The following LPAR3 variants were observed in gnomAD, a reference collection of about 807,000 sequenced individuals.
LPAR3 encodes LPA receptor 3.
Under a neutral mutation model 17.8 loss-of-function variants are expected in LPAR3, and 7 were observed. The observed-to-expected ratio is 0.39, with a 90% CI of 0.22 to 0.74. LPAR3 has a LOEUF of 0.74. Ranked by LOEUF, LPAR3 falls within the 30% of genes least tolerant of loss-of-function variation. The pLI, the probability that LPAR3 is intolerant of heterozygous loss-of-function variation, is 0.40. For missense variants in LPAR3, 391 were observed against 453.4 expected, an observed-to-expected ratio of 0.86 and a Z score of 1.25; for synonymous variants, 179 against 179.9, an observed-to-expected ratio of 0.99 and a Z score of 0.04.
At chr1:84,816,147 C>A (rs979036190) in intron 2 of LPAR3, among the ~76,000 whole-genome samples, 4 of 152,160 alleles carry the variant, frequency 2.6e-5, no homozygotes, top group Admixed American at 2.6e-4. Flanking sequence ...CAGATTCAGA[C>A]TGGTTTTTTG....
chr1:84,817,518 G>A (rs1658961041), intron 2 of LPAR3, among the ~76,000 whole-genome samples: 1 of 152,160 alleles, frequency 6.6e-6, no homozygotes, highest in South Asian at 2.1e-4. Context: ...TCCAGGTGGA[G>A]GAGGCTTGGA....
chr1:84,835,664 A>C (rs1659388336), intron 2 of LPAR3, among the ~76,000 whole-genome samples: 1 of 152,188 alleles, frequency 6.6e-6, no homozygotes, highest in African/African-American at 2.4e-5. Context: ...CTACAAGTCC[A>C]ATATTACTAT....
At chr1:84,825,189 G>A (rs1045935388) in intron 2 of LPAR3, among the ~76,000 whole-genome samples, 3 of 152,204 alleles carry the variant, frequency 2.0e-5, no homozygotes, top group Admixed American at 2.0e-4. Context: ...AGGAACTGAG[G>A]AGAAAGACAA....
At chr1:84,862,096 C>T (rs748181390) in intron 2 of LPAR3, among the ~76,000 whole-genome samples, 7 of 152,164 alleles carry the variant, frequency 4.6e-5, no homozygotes, top group African/African-American at 1.7e-4. Flanking sequence ...TTTAAGCAGG[C>T]GGGTAATTTC....
chr1:84,815,284 C>T (rs986030375), intron 2 of LPAR3, among the ~76,000 whole-genome samples: 4 of 152,110 alleles, frequency 2.6e-5, no homozygotes, highest in East Asian at 1.9e-4. Flanking sequence ...TTGCTTTCGG[C>T]GAATGTCCTT....
Position 84,888,921 on chromosome 1 carries a change from G to A in LPAR3, c.-19+4095C>T, listed in dbSNP as rs188604886. On this transcript the variant is annotated intron_variant, in intron 1 of 2. Coordinates refer to ENST00000370611, the MANE Select transcript of LPAR3 (RefSeq NM_012152.3). ...TGATGAACATCCTCAGGAAGGGGTGGGGCAGGCTGTGCTGGGCAGGTTGCT... is the reference window on the plus strand; with the variant it reads ...TGATGAACATCCTCAGGAAGGGGTGAGGCAGGCTGTGCTGGGCAGGTTGCT... Among the ~76,000 whole-genome samples, 440 of 152,268 alleles carry A rather than the reference G, an allele frequency of 2.9e-3. 4 individuals are homozygous for A. In the Middle Eastern group the frequency reaches 0.037, roughly 13 times the overall value.
chr1:84,880,156 C>G (rs1660337173), intron 1 of LPAR3, among the ~76,000 whole-genome samples: 2 of 152,090 alleles, frequency 1.3e-5, no homozygotes, highest in East Asian at 1.9e-4. Context: ...ATGGAGAAAC[C>G]CCATCTCTAC....
intron 2 of LPAR3, among the ~76,000 whole-genome samples, chr1:84,857,606 G>A (rs185844561): frequency 6.6e-6 from 1 of 152,324 alleles, no homozygotes; most frequent in East Asian, 1.9e-4. Context: ...GATCAAGGGC[G>A]AGCTAAATGT....
chr1:84,851,719 A>G (rs1659718138), intron 2 of LPAR3, among the ~76,000 whole-genome samples: 1 of 152,206 alleles, frequency 6.6e-6, no homozygotes, highest in East Asian at 1.9e-4. Flanking sequence ...GTCACTGCAC[A>G]TGTGCAGGAC....
rs1660271194 is a variant in LPAR3 at position 84,876,918 on chromosome 1, C to A, written c.-18-10780G>T. Reference sequence around the variant, plus strand: ...TGTCCTCAATGTCCCCGCACAAATACCAAAACCCTAGTAAATTTCTCTGCA... The same window carrying A: ...TGTCCTCAATGTCCCCGCACAAATAACAAAACCCTAGTAAATTTCTCTGCA... On this transcript the variant is annotated intron_variant, in intron 1 of 2. Transcript: ENST00000370611. 2.0e-5 allele frequency among the ~76,000 whole-genome samples: 3 copies of A among 152,140 alleles called. No individual in the cohort carries two copies. The South Asian group carries it at 6.2e-4, about 32-fold the overall frequency.
chr1:84,881,084 AC>A (rs1660356719), intron 1 of LPAR3, among the ~76,000 whole-genome samples: 1 of 152,232 alleles, frequency 6.6e-6, no homozygotes, highest in African/African-American at 2.4e-5. Context: ...GTTTGTCAGA[AC>A]AAAGAACAGA....
intron 2 of LPAR3, among the ~76,000 whole-genome samples, chr1:84,863,856 C>T (rs1659987832): frequency 6.6e-6 from 1 of 152,144 alleles, no homozygotes; most frequent in South Asian, 2.1e-4. Context: ...TGACATTCCC[C>T]ACCTTCTCCT....
intron 2 of LPAR3, among the ~76,000 whole-genome samples, chr1:84,857,541 G>A (rs560454368): frequency 1.3e-5 from 2 of 152,208 alleles, no homozygotes; most frequent in Non-Finnish European, 2.9e-5. Flanking sequence ...GTATAGAGCT[G>A]TCATTTTCCA....
At chr1:84,880,238 G>T (rs904241573) in intron 1 of LPAR3, among the ~76,000 whole-genome samples, 2 of 152,210 alleles carry the variant, frequency 1.3e-5, no homozygotes, top group Non-Finnish European at 2.9e-5. Context: ...GCTGAGGCAG[G>T]AGAACTGCTT....
At chr1:84,836,018 T>TC (rs1484765031) in intron 2 of LPAR3, among the ~76,000 whole-genome samples, 2,031 of 140,152 alleles carry the variant, frequency 0.014, 72 homozygotes, top group African/African-American at 0.052. Context: ...TTTTTTTTTT[T>TC]TTTTTTTTTT....
intron 1 of LPAR3, among the ~76,000 whole-genome samples, chr1:84,889,239 A>G (rs1473903555): frequency 6.6e-6 from 1 of 152,184 alleles, no homozygotes; most frequent in African/African-American, 2.4e-5. Flanking sequence ...GGACAGGTAG[A>G]GAGCAACAAA....
chr1:84,889,776 G>A (rs1660520127), intron 1 of LPAR3, among the ~76,000 whole-genome samples: 1 of 152,184 alleles, frequency 6.6e-6, no homozygotes, highest in Non-Finnish European at 1.5e-5. Context: ...GAGTGGGCCT[G>A]CCTGGGGTGG....
At chr1:84,823,615 G>T (rs1194575552) in intron 2 of LPAR3, among the ~76,000 whole-genome samples, 1 of 152,094 alleles carries the variant, frequency 6.6e-6, no homozygotes, top group Admixed American at 6.6e-5. Flanking sequence ...GGCAATAAAA[G>T]ATAAAATTTA....
intron 2 of LPAR3, among the ~76,000 whole-genome samples, chr1:84,828,876 T>C (rs1465220215): frequency 2.0e-5 from 3 of 152,172 alleles, no homozygotes; most frequent in Non-Finnish European, 4.4e-5. Flanking sequence ...GGGTACGACA[T>C]TGCTGTCCAA....
Sources: allele counts gnomAD v4.1 joint callset (sites outside exome capture counted in the v4.1 genomes callset), GRCh38; gene constraint gnomAD v4.1.1; transcripts MANE v1.5; gene names NCBI Gene and HGNC (gene_info 2026-07-23, HGNC 2026-07-21).